The following NUGGC variants were observed in gnomAD, a reference collection of about 807,000 sequenced individuals.
NUGGC encodes the protein nuclear GTPase, germinal center associated, also known as nuclear GTPase SLIP-GC.
Under a neutral mutation model 92.6 loss-of-function variants are expected in NUGGC, and 58 were observed. The ratio of observed to expected loss-of-function variants is 0.63; its 90% CI spans 0.51 to 0.78. The LOEUF (loss-of-function observed/expected upper bound fraction) is 0.78, where lower values mean the gene tolerates loss of function less well. Ranked by LOEUF, NUGGC falls within the 30% of genes least tolerant of loss-of-function variation. The pLI, the probability that NUGGC is intolerant of heterozygous loss-of-function variation, is 0.00. For missense variants in NUGGC, 925 were observed against 964.6 expected, an observed-to-expected ratio of 0.96 and a Z score of 0.54; for synonymous variants, 376 against 366.4, an observed-to-expected ratio of 1.03 and a Z score of -0.30.
intron 13 of NUGGC, among the ~76,000 whole-genome samples, chr8:28,039,209 G>A (rs564789321): frequency 6.6e-6 from 1 of 150,436 alleles, no homozygotes; most frequent in East Asian, 2.0e-4. Context: ...CATCCAAATT[G>A]CAGCACATGC....
chr8:28,063,261 C>G (rs1467918666), intron 7 of NUGGC, among the ~76,000 whole-genome samples: 1 of 152,218 alleles, frequency 6.6e-6, no homozygotes, highest in East Asian at 1.9e-4. Flanking sequence ...GGAACCATCC[C>G]TCGCTTCAGC....
chr8:28,069,873 A>T, intron 3 of NUGGC: 1 of 569,114 alleles, frequency 1.8e-6, no homozygotes. Context: ...CTGCTCTGAA[A>T]CTCTGGTAAC....
intron 14 of NUGGC, 21 bp downstream of exon 14, chr8:28,033,519 G>A (rs897031981): frequency 1.9e-6 from 3 of 1,607,524 alleles, no homozygotes; most frequent in Non-Finnish European, 1.7e-6. Context: ...TCCCGAAGGT[G>A]CAAGATGAGA....
rs1481100351 is a variant in NUGGC at position 28,056,003 on chromosome 8, T to A, written c.1168A>T (p.Lys390Ter). Reference sequence around the variant, plus strand: ...TTGAGAATTCTAGTCCTTTGTAGTTTTATCATTTCATTTCTTTCTAAAACA... The same window carrying A: ...TTGAGAATTCTAGTCCTTTGTAGTTATATCATTTCATTTCTTTCTAAAACA... ...EAVLERNEMI[K>*]LQRTRILKEK... Residue 390 changes from lysine to a stop codon, truncating the protein, a stop_gained, in exon 10 of 19, where the codon AAA (lysine) becomes TAA (stop). Coordinates refer to ENST00000413272, the MANE Select transcript of NUGGC (RefSeq NM_001010906.2). LOFTEE classifies it high-confidence loss of function. The A allele has an allele frequency of 6.4e-7, 1 of 1,564,526 alleles. No individual in the cohort carries two copies. The highest frequency in any genetic ancestry group is 1.3e-5 in the African/African-American group (1 of 74,236).
intron 12 of NUGGC, 116 bp from the exon 13 acceptor site, chr8:28,041,331 C>T: frequency 2.9e-6 from 3 of 1,021,534 alleles, no homozygotes; most frequent in East Asian, 2.6e-5. Flanking sequence ...TCACTCAGAG[C>T]TGACTTCTCT....
chr8:28,055,907 C>A, intron 10 of NUGGC, 58 bp downstream of exon 10: 1 of 938,960 alleles, frequency 1.1e-6, no homozygotes, highest in Non-Finnish European at 1.7e-6. Flanking sequence ...ATACATTTGT[C>A]TCCCAAAATC....
chr8:28,052,681 A>G (rs1418785366), intron 10 of NUGGC, among the ~76,000 whole-genome samples: 1 of 152,120 alleles, frequency 6.6e-6, no homozygotes, highest in Non-Finnish European at 1.5e-5. Flanking sequence ...GGGAGATAAT[A>G]ATTTTCTGTC....
intron 2 of NUGGC, among the ~76,000 whole-genome samples, chr8:28,073,178 C>CTT (rs34656742): frequency 0.012 from 1,539 of 132,804 alleles, 18 homozygotes; most frequent in Non-Finnish European, 0.015. Context: ...ATTTTTTTTT[C>CTT]TTTTTTTTTT....
In NUGGC at chr8:28,023,204, C is replaced by T; in HGVS notation, c.*113G>A. Reference sequence around the variant, plus strand: ...AGTGAGCTGTGATGGTGCCACTGCACTCCAGCCTGGGCAACAGAGGTAGAT... The same window carrying T: ...AGTGAGCTGTGATGGTGCCACTGCATTCCAGCCTGGGCAACAGAGGTAGAT... On this transcript the variant is annotated 3_prime_UTR_variant, in exon 19 of 19. Coordinates refer to ENST00000413272, the MANE Select transcript of NUGGC (RefSeq NM_001010906.2). 2 of 1,245,394 alleles carry T rather than the reference C, an allele frequency of 1.6e-6. No individual in the cohort carries two copies. Among genetic ancestry groups the T allele is most frequent in the Non-Finnish European group, 2.2e-6 (2 of 912,066 alleles). The allele number at this position is 1,245,394 out of a possible 1,614,324, so 77.1% of individuals were successfully genotyped here. A position where few individuals can be genotyped will look rare whatever the true frequency, so the allele number is the denominator to read the frequency against.
At chr8:28,041,025 G>C in intron 13 of NUGGC, 26 bp downstream of exon 13, 1 of 1,577,698 alleles carries the variant, frequency 6.3e-7, no homozygotes, top group Non-Finnish European at 8.6e-7. Context: ...TGGAATATCT[G>C]AGTTTTCCCT....
intron 7 of NUGGC, among the ~76,000 whole-genome samples, chr8:28,063,915 C>T (rs1391019956): frequency 1.3e-5 from 2 of 152,072 alleles, no homozygotes; most frequent in Non-Finnish European, 2.9e-5. Context: ...CTCTGTTTAC[C>T]GCGCCCTTTC....
chr8:28,033,440 T>C, intron 14 of NUGGC, 100 bp downstream of exon 14: 1 of 1,142,318 alleles, frequency 8.8e-7, no homozygotes. Flanking sequence ...AGTTACAAGC[T>C]ACTCTTTACA....
At chr8:28,043,681 T>C (rs959205843) in intron 12 of NUGGC, among the ~76,000 whole-genome samples, 1 of 152,190 alleles carries the variant, frequency 6.6e-6, no homozygotes, top group African/African-American at 2.4e-5. Context: ...AGAAAACACG[T>C]GGGGTGGGCA....
chr8:28,042,768 G>T (rs28604868), intron 12 of NUGGC, among the ~76,000 whole-genome samples: 2 of 152,142 alleles, frequency 1.3e-5, no homozygotes, highest in African/African-American at 4.8e-5. Flanking sequence ...TGGATTGAAC[G>T]AGTGGCCCAG....
intron 10 of NUGGC, among the ~76,000 whole-genome samples, chr8:28,055,715 C>T (rs1810116277): frequency 6.6e-6 from 1 of 152,174 alleles, no homozygotes; most frequent in African/African-American, 2.4e-5. Flanking sequence ...TGCCTATAGT[C>T]CCAGCTACTT....
chr8:28,023,258 T>G lies in NUGGC; in HGVS notation c.*59A>C. The stretch of plus-strand genomic sequence containing the variant: ...TCTTGTCTCTTAAGAACAAAAAAAG[T>G]AATTCTAATTCTCTGGCTCTGGGCT... On this transcript the variant is annotated 3_prime_UTR_variant, in exon 19 of 19. Transcript: ENST00000413272. 6.5e-7 allele frequency: 1 copy of G among 1,533,018 alleles called. No individual in the cohort carries two copies. Among genetic ancestry groups the G allele is most frequent in the Non-Finnish European group, 8.8e-7 (1 of 1,135,158 alleles). The allele number at this position is 1,533,018 out of a possible 1,614,324, so 95.0% of individuals were successfully genotyped here.
intron 7 of NUGGC, among the ~76,000 whole-genome samples, chr8:28,064,079 G>A (rs1810376487): frequency 6.6e-6 from 1 of 152,046 alleles, no homozygotes; most frequent in Non-Finnish European, 1.5e-5. Context: ...ATTCACCCAG[G>A]AAGATTCACC....
chr8:28,048,023 C>G (rs1453991077), intron 10 of NUGGC, among the ~76,000 whole-genome samples: 1 of 152,182 alleles, frequency 6.6e-6, no homozygotes, highest in East Asian at 1.9e-4. Flanking sequence ...CATCACTTTC[C>G]TACTCTGCAT....
Position 28,045,656 on chromosome 8 carries a change from G to T in NUGGC, c.1317C>A (p.Ile439=). ...TCCTGATGTATTCTCTTAACTTAGGGATTTCTGGAATTCACAGGCAGCACA... is the reference window on the plus strand; with the variant it reads ...TCCTGATGTATTCTCTTAACTTAGGTATTTCTGGAATTCACAGGCAGCACA... ...QALLTEEETE[I]PKLREYIRKS... The change falls in exon 12 of 19, where the codon ATC becomes ATA. Residue 439 remains isoleucine, a synonymous_variant. Transcript: ENST00000413272. The T allele has an allele frequency of 6.2e-7, 1 of 1,609,032 alleles. No homozygotes were observed. The highest frequency in any genetic ancestry group is 2.2e-5 in the East Asian group (1 of 44,822).
Sources: gnomAD v4.1 joint callset for allele counts (sites outside exome capture counted in the v4.1 genomes callset) on GRCh38, gnomAD v4.1.1 for gene constraint, MANE v1.5 for transcripts, NCBI Gene and HGNC (gene_info 2026-07-23, HGNC 2026-07-21) for gene names.